Variants in HSD17B4 observed in about 807,000 individuals in gnomAD.
HSD17B4 encodes peroxisomal multifunctional enzyme type 2.
Under a neutral mutation model 101.0 loss-of-function variants are expected in HSD17B4, and 70 were observed. The observed-to-expected ratio is 0.69, with a 90% CI of 0.57 to 0.85. The LOEUF (loss-of-function observed/expected upper bound fraction) is 0.85. HSD17B4 is among the 40% of genes least tolerant of loss of function. The pLI, the probability that HSD17B4 is intolerant of heterozygous loss-of-function variation, is 0.00. For missense variants in HSD17B4, 984 were observed against 892.4 expected, an observed-to-expected ratio of 1.10 and a Z score of -1.31; for synonymous variants, 347 against 297.1, an observed-to-expected ratio of 1.17 and a Z score of -1.73.
At chr5:119,537,723 G>C (rs1008894392) in intron 23 of HSD17B4, among the ~76,000 whole-genome samples, 1 of 152,092 alleles carries the variant, frequency 6.6e-6, no homozygotes, top group Non-Finnish European at 1.5e-5. Flanking sequence ...CAGCTCTTCA[G>C]CTTTGCCATT....
chr5:119,516,571 C>G (rs778733276), intron 17 of HSD17B4, among the ~76,000 whole-genome samples: 1 of 152,024 alleles, frequency 6.6e-6, no homozygotes, highest in South Asian at 2.1e-4. Flanking sequence ...GGGCACTCAT[C>G]ATTTGGCAGA....
intron 2 of HSD17B4, among the ~76,000 whole-genome samples, chr5:119,461,536 T>G (rs1755236553): frequency 6.6e-6 from 1 of 152,200 alleles, no homozygotes; most frequent in Non-Finnish European, 1.5e-5. Flanking sequence ...CTTAGTTATC[T>G]ATTTACCTAC....
rs538929226 is a variant in HSD17B4, at chr5:119,514,991, C to G, written c.1448C>G (p.Ala483Gly). ...ATGTCTTAATTTTAGGTAGCTGTAG[C>G]CATACCTAATAGACCTCCTGATGCT... Reference protein sequence around the residue: ...RTSDKVKVAVAIPNRPPDAVL... With the variant: ...RTSDKVKVAVGIPNRPPDAVL... Residue 483 changes from alanine to glycine, a missense_variant, in exon 17 of 24, where the codon GCC becomes GGC. By Grantham distance (60) the Ala-to-Gly change is moderately conservative. Coordinates refer to ENST00000510025, the MANE Select transcript of HSD17B4 (RefSeq NM_000414.4). 6.5e-7 allele frequency: 1 copy of G among 1,547,340 alleles called. No individual in the cohort carries two copies. The highest frequency in any genetic ancestry group is 1.1e-5 in the South Asian group (1 of 89,718).
At chr5:119,457,765 G>A (rs554978048) in intron 2 of HSD17B4, among the ~76,000 whole-genome samples, 324 of 152,194 alleles carry the variant, frequency 2.1e-3, no homozygotes, top group Middle Eastern at 0.01. Context: ...CAAGGATCTT[G>A]TTTTATCTTT....
At chr5:119,498,090 C>A (rs1360417672) in intron 12 of HSD17B4, among the ~76,000 whole-genome samples, 1 of 152,080 alleles carries the variant, frequency 6.6e-6, no homozygotes, top group African/African-American at 2.4e-5. Context: ...ATTTACTGTT[C>A]CTGTTTGTAT....
intron 2 of HSD17B4, among the ~76,000 whole-genome samples, chr5:119,470,214 G>A (rs1756226354): frequency 6.6e-6 from 1 of 151,772 alleles, no homozygotes; most frequent in Admixed American, 6.6e-5. Flanking sequence ...TTGGAGTGTA[G>A]GGTGCTGCAT....
intron 22 of HSD17B4, among the ~76,000 whole-genome samples, chr5:119,532,707 C>T (rs114676299): frequency 0.01 from 1,524 of 151,714 alleles, 33 homozygotes; most frequent in African/African-American, 0.035. Flanking sequence ...TTCTAAGCAA[C>T]GGTAAAAAAT....
chr5:119,523,259 A>T lies in HSD17B4; in HGVS notation c.1504-1957A>T, dbSNP rs11241507. Among the ~76,000 whole-genome samples the T allele has an allele frequency of 2.6e-5, 4 of 151,984 alleles. No individual in the cohort carries two copies. The South Asian group carries it at 8.3e-4, about 31-fold the overall frequency. ...TCAAATTAAGGAATAGTTTACCTGT[A>T]TGCAGATTATCCTCCCACCTACTTT... On this transcript the variant is annotated intron_variant, in intron 17 of 23. Coordinates refer to ENST00000510025, the MANE Select transcript of HSD17B4 (RefSeq NM_000414.4).
chr5:119,531,675 A>T (rs1212746168), intron 22 of HSD17B4, among the ~76,000 whole-genome samples: 1 of 151,944 alleles, frequency 6.6e-6, no homozygotes, highest in African/African-American at 2.4e-5. Context: ...TAATCCTTGA[A>T]AGTAGTTTAA....
chr5:119,524,515 T>G, intron 17 of HSD17B4, among the ~76,000 whole-genome samples: 1 of 152,172 alleles, frequency 6.6e-6, no homozygotes, highest in Non-Finnish European at 1.5e-5. Flanking sequence ...ATTAGCTGTT[T>G]GGTGAATTTC....
At chr5:119,528,508 A>G (rs184561183) in intron 20 of HSD17B4, among the ~76,000 whole-genome samples, 113 of 152,276 alleles carry the variant, frequency 7.4e-4, no homozygotes, top group Non-Finnish European at 1.3e-3. Context: ...CTACCCATAG[A>G]TACACTCAAA....
At chr5:119,456,733 CA>C in intron 2 of HSD17B4, 15 of 244,496 alleles carry the variant, frequency 6.1e-5, no homozygotes, top group Non-Finnish European at 1.0e-4. Context: ...GGTGATGGCG[CA>C]AAAAAAACCC....
Position 119,463,655 on chromosome 5 carries a change from C to CTTTTTTTTTTTTTTTTT in HSD17B4, c.112+7301_112+7317dup, listed in dbSNP as rs57252147. On this transcript the variant is annotated intron_variant, in intron 2 of 23. Transcript: ENST00000510025. ...ATATACTTCTTGGCCATTTATATGTCTTTTTTTTTTTTTTTTTTTTTTTTT... is the reference window on the plus strand; with the variant it reads ...ATATACTTCTTGGCCATTTATATGTCTTTTTTTTTTTTTTTTTTTTTTTTTTTTTTTTTTTTTTTTTT... Among the ~76,000 whole-genome samples the CTTTTTTTTTTTTTTTTT allele has an allele frequency of 8.4e-4, 25 of 29,690 alleles. 4 individuals are homozygous for CTTTTTTTTTTTTTTTTT. The highest frequency in any genetic ancestry group is 5.8e-3 in the South Asian group (2 of 342). 19.5% of individuals were successfully genotyped at this position (29,690 alleles called of 152,430 possible).
chr5:119,506,916 A>T, intron 15 of HSD17B4, 27 bp downstream of exon 15: 1 of 1,148,546 alleles, frequency 8.7e-7, no homozygotes, highest in South Asian at 1.2e-5. Context: ...TCTTATAATA[A>T]TATTGTTAGA....
intron 12 of HSD17B4, among the ~76,000 whole-genome samples, chr5:119,497,251 T>G (rs1384260206): frequency 6.6e-6 from 1 of 152,210 alleles, no homozygotes; most frequent in Non-Finnish European, 1.5e-5. Context: ...AGTGGTGCTT[T>G]AGCCAACCTC....
chr5:119,517,805 A>G (rs1223411095), intron 17 of HSD17B4, among the ~76,000 whole-genome samples: 1 of 151,874 alleles, frequency 6.6e-6, no homozygotes, highest in Non-Finnish European at 1.5e-5. Flanking sequence ...ATCTAGCTCA[A>G]GGTTTGTAAA....
intron 14 of HSD17B4, among the ~76,000 whole-genome samples, chr5:119,505,651 GTCT>G (rs1480851763): frequency 6.6e-6 from 1 of 151,940 alleles, no homozygotes; most frequent in Non-Finnish European, 1.5e-5. Context: ...GGTAGATGGA[GTCT>G]TTAGTGTTCT....
In HSD17B4 at chr5:119,452,518, C is replaced by T. The variant is rs943411176; in HGVS notation, c.-58C>T. ...CGCCATTCCCCGCCTCCTCCTGTCC[C>T]GCAGTCGGCGTCCAGCGGCTCTGCT... On this transcript the variant is annotated 5_prime_UTR_variant, in exon 1 of 24. Coordinates refer to ENST00000510025, the MANE Select transcript of HSD17B4 (RefSeq NM_000414.4). The T allele has an allele frequency of 5.0e-6, 8 of 1,612,970 alleles. No homozygotes were observed. In the African/African-American group the frequency reaches 6.7e-5, roughly 13 times the overall value.
intron 9 of HSD17B4, among the ~76,000 whole-genome samples, chr5:119,490,736 T>C (rs1750027965): frequency 6.6e-6 from 1 of 152,026 alleles, no homozygotes; most frequent in Admixed American, 6.6e-5. Context: ...ACCCAGCTAA[T>C]TTTTGTATTT....
Sources: gnomAD v4.1 joint callset for allele counts (sites outside exome capture counted in the v4.1 genomes callset) on GRCh38, gnomAD v4.1.1 for gene constraint, MANE v1.5 for transcripts, NCBI Gene and HGNC (gene_info 2026-07-23, HGNC 2026-07-21) for gene names.